NEK10: variants seen among roughly 807,000 people sequenced by gnomAD.
NEK10 encodes the protein NIMA related kinase 10.
Under a neutral mutation model 159.8 loss-of-function variants are expected in NEK10, and 122 were observed. The ratio of observed to expected loss-of-function variants is 0.76; its 90% confidence interval spans 0.66 to 0.89. The LOEUF (loss-of-function observed/expected upper bound fraction) is 0.89, where lower values mean the gene tolerates loss of function less well. NEK10 is among the 40% of genes least tolerant of loss of function. The pLI is 0.00. For synonymous variants in NEK10, 466 were observed against 457.1 expected, an observed-to-expected ratio of 1.02 and a Z score of -0.25; for missense variants, 1,342 against 1,323.1, an observed-to-expected ratio of 1.01 and a Z score of -0.22.
intron 23 of NEK10, among the ~76,000 whole-genome samples, chr3:27,224,268 G>C (rs983510925): frequency 6.6e-6 from 1 of 152,218 alleles, no homozygotes; most frequent in African/African-American, 2.4e-5. Context: ...ACTTTCAGCT[G>C]TCTGGCTTCT....
intron 23 of NEK10, among the ~76,000 whole-genome samples, chr3:27,250,876 A>T (rs1401768949): frequency 6.6e-6 from 1 of 152,078 alleles, no homozygotes; most frequent in Non-Finnish European, 1.5e-5. Context: ...GAGTTTGATT[A>T]TTAAATACCT....
chr3:27,285,059 G>A (rs2291556), intron 20 of NEK10, 98 bp from the exon 21 acceptor site: 22,079 of 868,418 alleles, frequency 0.025, 595 homozygotes, highest in African/African-American at 0.12. Context: ...GTGTCTGTGC[G>A]GGACACTAAC....
At chr3:27,312,283 A>C (rs540684167) in intron 7 of NEK10, 106 bp from the exon 8 acceptor site, 1 of 573,968 alleles carries the variant, frequency 1.7e-6, no homozygotes, top group African/African-American at 1.9e-5. Flanking sequence ...GTGGCAAAAC[A>C]GATTCATCAA....
chr3:27,173,220 A>T (rs1947177825), intron 28 of NEK10, among the ~76,000 whole-genome samples: 1 of 152,212 alleles, frequency 6.6e-6, no homozygotes. Flanking sequence ...AACAAAACAC[A>T]ATAAAATGTC....
intron 23 of NEK10, among the ~76,000 whole-genome samples, chr3:27,217,799 C>A (rs1042166923): frequency 1.5e-4 from 23 of 152,088 alleles, no homozygotes; most frequent in Non-Finnish European, 3.1e-4. Flanking sequence ...TACAGTAGTA[C>A]CCCCTTATCC....
At position 27,131,879 on chromosome 3, in the gene NEK10, C is replaced by T. The variant is rs1357757399; in HGVS notation, c.3081+1G>A. 1 of 1,526,748 alleles carries T rather than the reference C, an allele frequency of 6.5e-7. No individual in the cohort carries two copies. Among genetic ancestry groups the T allele is most frequent in the Admixed American group, 1.7e-5 (1 of 59,508 alleles). The allele number at this position is 1,526,748 out of a possible 1,614,324, so 94.6% of individuals were successfully genotyped here. On this transcript the variant is annotated splice_donor_variant, in intron 32 of 35. Coordinates refer to ENST00000691995, the MANE Select transcript of NEK10 (RefSeq NM_001394966.1). LOFTEE classifies it high-confidence loss of function. ...GAATTCCTATATATAGAATACCATACCTTTTTAATTTCAGATTTCAAATTA... is the reference window on the plus strand; with the variant it reads ...GAATTCCTATATATAGAATACCATATCTTTTTAATTTCAGATTTCAAATTA...
intron 23 of NEK10, among the ~76,000 whole-genome samples, chr3:27,212,645 A>G (rs936416005): frequency 2.0e-5 from 3 of 152,228 alleles, no homozygotes; most frequent in African/African-American, 7.2e-5. Context: ...AGTTCTCACA[A>G]TTAGTGATTT....
At chr3:27,258,797 G>A (rs2149337953) in intron 22 of NEK10, among the ~76,000 whole-genome samples, 1 of 152,270 alleles carries the variant, frequency 6.6e-6, no homozygotes, top group East Asian at 1.9e-4. Flanking sequence ...TCGCCACACT[G>A]ACTTCCACAA....
In NEK10 at chr3:27,287,680, A is replaced by G; in HGVS notation, c.1789+18T>C. On this transcript the variant is annotated intron_variant, in intron 20 of 35. Transcript: ENST00000691995. ...AAATGTTTCCTTATTTAGAAATATC[A>G]TGAAAACTCATACTTACTTTCCAGA... is the stretch of plus-strand genomic sequence containing the variant. 3 of 1,561,668 alleles carry G rather than the reference A, an allele frequency of 1.9e-6. No homozygotes were observed. Among genetic ancestry groups the G allele is most frequent in the Non-Finnish European group, 2.6e-6 (3 of 1,160,048 alleles).
At chr3:27,223,254 A>AACAAGGATC (rs1469229139) in intron 23 of NEK10, among the ~76,000 whole-genome samples, 2 of 152,300 alleles carry the variant, frequency 1.3e-5, no homozygotes, top group Admixed American at 6.5e-5. Flanking sequence ...CCTGTCTGGA[A>AACAAGGATC]ACAAGGATCG....
intron 11 of NEK10, among the ~76,000 whole-genome samples, chr3:27,306,853 T>C (rs762036020): frequency 6.6e-6 from 1 of 152,184 alleles, no homozygotes; most frequent in Non-Finnish European, 1.5e-5. Context: ...ATGGTCCTGC[T>C]GTGCCCAACC....
At chr3:27,227,255 G>A (rs576130830) in intron 23 of NEK10, among the ~76,000 whole-genome samples, 27 of 152,312 alleles carry the variant, frequency 1.8e-4, no homozygotes, top group African/African-American at 6.0e-4. Context: ...GGACAGACAG[G>A]AGGAGGGGTG....
At chr3:27,304,621 A>G (rs1410494267) in intron 12 of NEK10, 126 bp downstream of exon 12, 4 of 661,964 alleles carry the variant, frequency 6.0e-6, no homozygotes, top group Non-Finnish European at 1.1e-5. Context: ...TTTGGAAAGC[A>G]TGAATTACCA....
At chr3:27,114,407 C>T (rs1335852174) in intron 35 of NEK10, among the ~76,000 whole-genome samples, 2 of 152,126 alleles carry the variant, frequency 1.3e-5, no homozygotes, top group African/African-American at 4.8e-5. Flanking sequence ...ATGAGAATTA[C>T]TCATTGTTCC....
chr3:27,291,111 A>G (rs1575608505), intron 18 of NEK10, 151 bp downstream of exon 18: 2 of 816,130 alleles, frequency 2.5e-6, no homozygotes, highest in East Asian at 2.7e-5. Context: ...TAGTGTGGCT[A>G]TCTCTGTTGG....
At chr3:27,142,495 G>T in intron 30 of NEK10, among the ~76,000 whole-genome samples, 1 of 148,924 alleles carries the variant, frequency 6.7e-6, no homozygotes, top group Admixed American at 6.7e-5. Context: ...AACTTCTCTT[G>T]CTAATTTCCT....
At chr3:27,324,853 C>T (rs1460183721) in intron 5 of NEK10, among the ~76,000 whole-genome samples, 5 of 152,180 alleles carry the variant, frequency 3.3e-5, no homozygotes, top group African/African-American at 1.2e-4. Flanking sequence ...CCCATTACAC[C>T]TCTGGCCTCA....
At chr3:27,144,166 T>A (rs1273851013) in intron 30 of NEK10, among the ~76,000 whole-genome samples, 1 of 152,170 alleles carries the variant, frequency 6.6e-6, no homozygotes, top group African/African-American at 2.4e-5. Flanking sequence ...AATGGTGACA[T>A]ATCACATCAC....
intron 22 of NEK10, among the ~76,000 whole-genome samples, chr3:27,262,599 T>A (rs930925667): frequency 6.6e-6 from 1 of 152,252 alleles, no homozygotes; most frequent in Non-Finnish European, 1.5e-5. Flanking sequence ...CCATCACTGA[T>A]ACCTTTTCTT....
Sources: allele counts gnomAD v4.1 joint callset (sites outside exome capture counted in the v4.1 genomes callset), GRCh38; gene constraint gnomAD v4.1.1; transcripts MANE v1.5; gene names NCBI Gene and HGNC (gene_info 2026-07-23, HGNC 2026-07-21).